DPP10: variants seen among roughly 807,000 people sequenced by gnomAD.
DPP10 encodes the protein dipeptidyl peptidase like 10.
In DPP10, 33 loss-of-function variants were observed where a neutral mutation model predicts 120.9. That is an observed-to-expected ratio of 0.27 (90% CI 0.21 to 0.37). The LOEUF (loss-of-function observed/expected upper bound fraction) is 0.37. DPP10 is among the 10% of genes least tolerant of loss of function. DPP10 has a pLI of 1.00. For synonymous variants in DPP10, 337 were observed against 326.1 expected, an observed-to-expected ratio of 1.03 and a Z score of -0.36; for missense variants, 816 against 942.8, an observed-to-expected ratio of 0.87 and a Z score of 1.76.
At chr2:115,510,990 C>T (rs1203702460) in intron 4 of DPP10, among the ~76,000 whole-genome samples, 3 of 152,032 alleles carry the variant, frequency 2.0e-5, no homozygotes, top group Non-Finnish European at 4.4e-5. Flanking sequence ...GAATGCTTAT[C>T]CTGCCACATT....
Position 115,730,705 on chromosome 2 carries a change from A to G in DPP10, c.697+2769A>G, listed in dbSNP as rs149504914. Among the ~76,000 whole-genome samples the G allele has an allele frequency of 7.9e-3, 1,205 of 152,292 alleles. 22 individuals are homozygous for G. The highest frequency in any genetic ancestry group is 6.8e-3 in the Non-Finnish European group (464 of 68,020). ...TTTCTTAACTAAAGAATAAAAATCT[A>G]TGTATTCGGTCTGAGAGTAAACTGT... On this transcript the variant is annotated intron_variant, in intron 8 of 25. Transcript: ENST00000410059.
chr2:115,514,464 A>G (rs1296004421), intron 4 of DPP10, among the ~76,000 whole-genome samples: 1 of 151,660 alleles, frequency 6.6e-6, no homozygotes, highest in Non-Finnish European at 1.5e-5. Flanking sequence ...TAAAATAGTA[A>G]CTTTAAATTA....
At chr2:115,309,182 G>T in intron 1 of DPP10, 57 bp from the exon 2 acceptor site, 1 of 1,354,882 alleles carries the variant, frequency 7.4e-7, no homozygotes, top group Non-Finnish European at 1.0e-6. Flanking sequence ...ATTCCTTTAT[G>T]AATACATTTC....
chr2:114,530,112 G>A (rs766942429), intron 1 of DPP10, among the ~76,000 whole-genome samples: 1 of 152,106 alleles, frequency 6.6e-6, no homozygotes, highest in Non-Finnish European at 1.5e-5. Context: ...TGCCACAGGA[G>A]TTTGATTCTA....
intron 3 of DPP10, among the ~76,000 whole-genome samples, chr2:115,392,123 A>G (rs2067359365): frequency 6.6e-6 from 1 of 152,114 alleles, no homozygotes; most frequent in African/African-American, 2.4e-5. Flanking sequence ...TAATAACGTC[A>G]TCTTCAATTT....
At chr2:115,812,600 T>C (rs2150026650) in intron 19 of DPP10, among the ~76,000 whole-genome samples, 1 of 152,244 alleles carries the variant, frequency 6.6e-6, no homozygotes, top group East Asian at 1.9e-4. Flanking sequence ...CAAGGTTGCA[T>C]AAATTAAAAT....
chr2:114,849,761 A>T (rs1007871309), intron 1 of DPP10, among the ~76,000 whole-genome samples: 1 of 152,174 alleles, frequency 6.6e-6, no homozygotes, highest in African/African-American at 2.4e-5. Context: ...ATTTCCTAAT[A>T]GCAACAGCCA....
intron 1 of DPP10, among the ~76,000 whole-genome samples, chr2:114,677,019 T>C (rs1698715437): frequency 6.6e-6 from 1 of 152,142 alleles, no homozygotes; most frequent in Non-Finnish European, 1.5e-5. Flanking sequence ...ATCATTTGAA[T>C]TGACAGAACT....
intron 1 of DPP10, among the ~76,000 whole-genome samples, chr2:115,108,371 C>G (rs56057555): frequency 6.6e-6 from 1 of 152,126 alleles, no homozygotes; most frequent in Non-Finnish European, 1.5e-5. Context: ...CTACGCCCCA[C>G]GCAAAAAGAG....
chr2:115,818,378 C>T (rs17045088), intron 21 of DPP10, among the ~76,000 whole-genome samples: 1,969 of 152,282 alleles, frequency 0.013, 46 homozygotes, highest in African/African-American at 0.043. Context: ...AGTCCTGATA[C>T]ATGTAATAAT....
At chr2:114,746,018 C>A (rs1046682823) in intron 1 of DPP10, among the ~76,000 whole-genome samples, 8 of 152,216 alleles carry the variant, frequency 5.3e-5, no homozygotes, top group African/African-American at 9.6e-5. Flanking sequence ...GAGCCCCTAA[C>A]AATGTGCCTT....
intron 3 of DPP10, among the ~76,000 whole-genome samples, chr2:115,486,058 A>G (rs2075758223): frequency 6.6e-6 from 1 of 152,160 alleles, no homozygotes; most frequent in African/African-American, 2.4e-5. Flanking sequence ...TATTAAAATT[A>G]TCAGTTAGTT....
chr2:114,732,279 C>T lies in DPP10; in HGVS notation c.60+289441C>T, dbSNP rs1348148428. 3.3e-5 allele frequency among the ~76,000 whole-genome samples: 5 copies of T among 152,202 alleles called. No homozygotes were observed. The South Asian group carries it at 6.2e-4, about 19-fold the overall frequency. ...AAACAGGAAACTGGACACACGACTA[C>T]AATTTAGTCATATGGAGCATGCAAA... On this transcript the variant is annotated intron_variant, in intron 1 of 25. Transcript: ENST00000410059.
intron 1 of DPP10, among the ~76,000 whole-genome samples, chr2:114,445,885 G>A (rs139290514): frequency 9.9e-5 from 15 of 152,254 alleles, no homozygotes; most frequent in Admixed American, 5.9e-4. Context: ...GGTGCCAAGT[G>A]TGTTCTCAGA....
At chr2:114,758,504 A>G (rs1331620073) in intron 1 of DPP10, among the ~76,000 whole-genome samples, 1 of 152,196 alleles carries the variant, frequency 6.6e-6, no homozygotes, top group Non-Finnish European at 1.5e-5. Flanking sequence ...TAAGTTATAC[A>G]GTAATGGTGA....
At chr2:114,900,609 G>T (rs892349865) in intron 1 of DPP10, among the ~76,000 whole-genome samples, 3 of 152,030 alleles carry the variant, frequency 2.0e-5, no homozygotes, top group African/African-American at 4.8e-5. Flanking sequence ...GTTCATTTAC[G>T]TGTTGCAAAT....
At chr2:114,491,758 T>G (rs551189174) in intron 1 of DPP10, among the ~76,000 whole-genome samples, 1 of 152,330 alleles carries the variant, frequency 6.6e-6, no homozygotes, top group East Asian at 1.9e-4. Flanking sequence ...AGGATTAATT[T>G]TCAGTTATTT....
At chr2:114,884,410 G>T (rs1453587733) in intron 1 of DPP10, among the ~76,000 whole-genome samples, 2 of 152,076 alleles carry the variant, frequency 1.3e-5, no homozygotes, top group Non-Finnish European at 2.9e-5. Context: ...CTCCAGGGGA[G>T]AATTCTTTTT....
chr2:115,063,169 G>T (rs961263191), intron 1 of DPP10, among the ~76,000 whole-genome samples: 2 of 151,996 alleles, frequency 1.3e-5, no homozygotes, highest in African/African-American at 4.8e-5. Context: ...TCATATGTTT[G>T]TTGGCTGTGT....
Sources: gnomAD v4.1 joint callset for allele counts (sites outside exome capture counted in the v4.1 genomes callset) on GRCh38, gnomAD v4.1.1 for gene constraint, MANE v1.5 for transcripts, NCBI Gene and HGNC (gene_info 2026-07-23, HGNC 2026-07-21) for gene names.